HMBOX1: variants seen among roughly 807,000 people sequenced by gnomAD.
HMBOX1 encodes the protein homeobox containing 1, also known as homeobox-containing protein 1.
In HMBOX1, 14 loss-of-function variants were observed where a neutral mutation model predicts 54.5. That is an observed-to-expected ratio of 0.26 (90% CI 0.17 to 0.40). The LOEUF (loss-of-function observed/expected upper bound fraction) is 0.40. Ranked by LOEUF, HMBOX1 falls within the 10% of genes least tolerant of loss-of-function variation. The pLI is 1.00. For missense variants in HMBOX1, 332 were observed against 514.4 expected (o/e 0.65, Z 3.43); for synonymous variants, 160 against 181.0 (o/e 0.88, Z 0.93).
At chr8:28,957,187 G>A (rs1220332210) in intron 1 of HMBOX1, among the ~76,000 whole-genome samples, 2 of 152,006 alleles carry the variant, frequency 1.3e-5, no homozygotes, top group East Asian at 1.9e-4. Flanking sequence ...ACAGTGGAAC[G>A]GATAAAGAAA....
chr8:28,894,320 G>T (rs1032211674), intron 1 of HMBOX1, among the ~76,000 whole-genome samples: 1 of 152,018 alleles, frequency 6.6e-6, no homozygotes, highest in African/African-American at 2.4e-5. Context: ...TATGAAATTG[G>T]TGTATATCTA....
chr8:28,948,277 A>C (rs1452512806), intron 1 of HMBOX1, among the ~76,000 whole-genome samples: 3 of 152,144 alleles, frequency 2.0e-5, no homozygotes, highest in Admixed American at 6.5e-5. Flanking sequence ...CCTCCATGTG[A>C]GCAGGAATTT....
intron 6 of HMBOX1, among the ~76,000 whole-genome samples, chr8:29,023,093 A>C (rs1447932588): frequency 6.6e-6 from 1 of 152,082 alleles, no homozygotes; most frequent in East Asian, 1.9e-4. Context: ...CTATTCAGGT[A>C]CTATTTTTAT....
rs753073028 is a variant in HMBOX1, at chr8:29,051,037, G to A, written c.1145G>A (p.Ser382Asn). ...ATCTAGGATGACAGTACGAGCCATA[G>A]TGACCACCAAGACCCCATCTCATTA... ...YSEQDDSTSH[S>N]DHQDPISLAV... Residue 382 changes from serine (S) to asparagine (N), a missense_variant, in exon 10 of 10, where the codon AGT (serine) becomes AAT (asparagine). This residue lies in a region of HMBOX1 where 69 missense variants were observed against 104.6 expected (regional missense o/e 0.66). Coordinates refer to ENST00000287701, the MANE Select transcript of HMBOX1 (RefSeq NM_001135726.3). The A allele has an allele frequency of 6.2e-6, 10 of 1,612,826 alleles. No individual in the cohort carries two copies. The Admixed American group carries it at 1.0e-4, about 16-fold the overall frequency.
chr8:28,954,090 A>G (rs1183628024), intron 1 of HMBOX1, among the ~76,000 whole-genome samples: 2 of 152,020 alleles, frequency 1.3e-5, no homozygotes, highest in African/African-American at 2.4e-5. Flanking sequence ...ATTTATGTAT[A>G]TATGTATTTT....
chr8:28,911,536 A>G (rs1815432264), intron 1 of HMBOX1, among the ~76,000 whole-genome samples: 1 of 152,188 alleles, frequency 6.6e-6, no homozygotes, highest in South Asian at 2.1e-4. Flanking sequence ...TTGTATTTTT[A>G]GTAGAGACAG....
At chr8:28,958,661 CATAG>C (rs926073796) in intron 1 of HMBOX1, among the ~76,000 whole-genome samples, 32 of 152,212 alleles carry the variant, frequency 2.1e-4, no homozygotes, top group South Asian at 2.1e-4. Flanking sequence ...AAATTACACA[CATAG>C]ATACTCTCTC....
intron 4 of HMBOX1, among the ~76,000 whole-genome samples, chr8:28,988,057 G>A (rs1830418107): frequency 6.6e-6 from 1 of 152,108 alleles, no homozygotes; most frequent in East Asian, 1.9e-4. Flanking sequence ...CCAAGAAGTT[G>A]TCTCATGCAT....
At chr8:28,955,483 A>T (rs776555601) in intron 1 of HMBOX1, among the ~76,000 whole-genome samples, 1 of 152,204 alleles carries the variant, frequency 6.6e-6, no homozygotes, top group Non-Finnish European at 1.5e-5. Flanking sequence ...AATCCTGATC[A>T]TATTATGCTT....
Position 29,048,964 on chromosome 8 carries a change from C to A in HMBOX1, c.1041C>A (p.Ile347=). 6.2e-7 allele frequency: 1 copy of A among 1,608,444 alleles called. No homozygotes were observed. Among genetic ancestry groups the A allele is most frequent in the South Asian group, 1.1e-5 (1 of 90,638 alleles). ...IKRRANIEAA[I]LESHGIDVQS... is the part of the protein sequence containing the mutation. ...TTGCTTTTTTCGAAGAAGCAGCAAT[C>A]CTGGAGAGTCATGGGATAGATGTGC... Residue 347 remains isoleucine, a synonymous_variant, in exon 9 of 10, where the codon ATC becomes ATA. Coordinates refer to ENST00000287701, the MANE Select transcript of HMBOX1 (RefSeq NM_001135726.3).
chr8:28,963,823 C>A lies in HMBOX1; in HGVS notation c.-45C>A, dbSNP rs190364776. ...CTTTGTTCTACAGAATGGTAGATAA[C>A]GCAGATCATCTCTGGAAAGGATATT... On this transcript the variant is annotated 5_prime_UTR_variant, in exon 2 of 10. Transcript: ENST00000287701. 7.9e-6 allele frequency: 12 copies of A among 1,518,250 alleles called. No homozygotes were observed. In the East Asian group the frequency reaches 1.6e-4, roughly 20 times the overall value. The allele number at this position is 1,518,250 out of a possible 1,614,324, so 94.0% of individuals were successfully genotyped here.
At chr8:29,009,523 CTTTT>C (rs10706846) in intron 5 of HMBOX1, 5,549 of 472,488 alleles carry the variant, frequency 0.012, no homozygotes, top group Middle Eastern at 0.014. Flanking sequence ...TTCCGTATCT[CTTTT>C]TTTTTTTTTT....
chr8:28,938,090 G>C lies in HMBOX1; in HGVS notation c.-57-25721G>C, dbSNP rs1316613728. Among the ~76,000 whole-genome samples the C allele has an allele frequency of 2.6e-5, 4 of 152,146 alleles. No individual in the cohort carries two copies. The East Asian group carries it at 7.7e-4, about 29-fold the overall frequency. The stretch of plus-strand genomic sequence containing the variant: ...AGTTCTTATATGTCTGGTATTGCAG[G>C]CCTCCTCAGTTCTCCATGTTTCAGA... On this transcript the variant is annotated intron_variant, in intron 1 of 9. Transcript: ENST00000287701.
At chr8:29,036,825 C>A (rs1803955185) in intron 6 of HMBOX1, among the ~76,000 whole-genome samples, 1 of 152,170 alleles carries the variant, frequency 6.6e-6, no homozygotes, top group South Asian at 2.1e-4. Context: ...CAAGTCAGTT[C>A]TTTCTGGCTC....
intron 1 of HMBOX1, among the ~76,000 whole-genome samples, chr8:28,957,541 T>G (rs1290720417): frequency 2.0e-5 from 3 of 150,982 alleles, no homozygotes; most frequent in African/African-American, 7.3e-5. Context: ...AACCTGCACA[T>G]GTACCCCTTG....
chr8:29,040,171 A>G (rs937907048), intron 6 of HMBOX1, among the ~76,000 whole-genome samples: 1 of 152,184 alleles, frequency 6.6e-6, no homozygotes. Flanking sequence ...TAATTAGAAG[A>G]TAGATGCATT....
At chr8:29,011,441 C>T (rs534449030) in intron 5 of HMBOX1, among the ~76,000 whole-genome samples, 19 of 152,188 alleles carry the variant, frequency 1.2e-4, no homozygotes, top group Non-Finnish European at 1.9e-4. Flanking sequence ...CAGCTTTCAC[C>T]GATGACCTTA....
intron 8 of HMBOX1, 116 bp from the exon 9 acceptor site, chr8:29,048,838 C>G: frequency 1.4e-6 from 1 of 710,392 alleles, no homozygotes. Flanking sequence ...TAGAGAAATA[C>G]AGGTTCTTGT....
At position 28,988,414 on chromosome 8, in the gene HMBOX1, G is replaced by T. The variant is rs191872200; in HGVS notation, c.586+8258G>T. Among the ~76,000 whole-genome samples the T allele has an allele frequency of 3.9e-5, 6 of 152,296 alleles. No homozygotes were observed. The East Asian group carries it at 9.6e-4, about 24-fold the overall frequency. On this transcript the variant is annotated intron_variant, in intron 4 of 9. Transcript: ENST00000287701. The stretch of plus-strand genomic sequence containing the variant: ...CATCTTGTGTACAAGTTTTTGTGTG[G>T]GAATATGTTTTCATTTCCTTTGGGT...
Sources: gnomAD v4.1 joint callset for allele counts (sites outside exome capture counted in the v4.1 genomes callset) on GRCh38, gnomAD v4.1.1 for gene constraint, gnomAD v4.1.1 regional missense constraint, MANE v1.5 for transcripts, NCBI Gene and HGNC (gene_info 2026-07-23, HGNC 2026-07-21) for gene names.